The following ASCC3 variants were observed in gnomAD, a reference collection of about 807,000 sequenced individuals.
ASCC3 encodes the protein activating signal cointegrator 1 complex subunit 3.
Under a neutral mutation model 256.3 loss-of-function variants are expected in ASCC3, and 158 were observed. The ratio of observed to expected loss-of-function variants is 0.62; its 90% confidence interval spans 0.54 to 0.70. ASCC3 has a LOEUF of 0.70. Among genes scored for constraint, ASCC3 ranks in the 30% least tolerant of loss-of-function variants. The pLI, the probability that ASCC3 is intolerant of heterozygous loss-of-function variation, is 0.00. For missense variants in ASCC3, 2,259 were observed against 2,626.0 expected (o/e 0.86, Z 3.05); for synonymous variants, 948 against 883.4 (o/e 1.07, Z -1.30).
At chr6:100,578,672 G>A (rs1056142951) in intron 36 of ASCC3, among the ~76,000 whole-genome samples, 2 of 151,884 alleles carry the variant, frequency 1.3e-5, no homozygotes, top group Non-Finnish European at 2.9e-5. Context: ...TACTGTTGAC[G>A]GGCATTTAGG....
chr6:100,562,531 G>A (rs1445330662), intron 36 of ASCC3, among the ~76,000 whole-genome samples: 1 of 151,986 alleles, frequency 6.6e-6, no homozygotes, highest in African/African-American at 2.4e-5. Context: ...ATCTATTAGA[G>A]TATGCATATA....
At position 100,642,580 on chromosome 6, in the gene ASCC3, C is replaced by T. The variant is rs376068985; in HGVS notation, c.3901+1G>A. On this transcript the variant is annotated splice_donor_variant, in intron 24 of 41. Coordinates refer to ENST00000369162, the MANE Select transcript of ASCC3 (RefSeq NM_006828.4). LOFTEE classifies it high-confidence loss of function. ...ATTCAAATCAGCATTCACCATGTTA[C>T]CTGTATGAGGAGGATGTCTCTCTGG... 5.6e-6 allele frequency: 9 copies of T among 1,613,574 alleles called. No homozygotes were observed. The highest frequency in any genetic ancestry group is 1.3e-5 in the African/African-American group (1 of 74,888).
At chr6:100,846,883 G>A (rs566541460) in intron 4 of ASCC3, among the ~76,000 whole-genome samples, 8 of 145,546 alleles carry the variant, frequency 5.5e-5, no homozygotes, top group African/African-American at 7.3e-5. Context: ...GTTACTTGTT[G>A]ACATGTCTCC....
intron 14 of ASCC3, among the ~76,000 whole-genome samples, chr6:100,671,441 C>A (rs529473085): frequency 1.3e-5 from 2 of 152,082 alleles, no homozygotes; most frequent in South Asian, 4.1e-4. Flanking sequence ...CATTTGAGAT[C>A]CAATACTATA....
intron 10 of ASCC3, among the ~76,000 whole-genome samples, chr6:100,728,508 A>G (rs557538314): frequency 6.6e-6 from 1 of 152,224 alleles, no homozygotes; most frequent in East Asian, 1.9e-4. Context: ...TATACCCAAC[A>G]GAAACACACA....
intron 30 of ASCC3, among the ~76,000 whole-genome samples, chr6:100,608,864 C>T (rs1191441227): frequency 7.1e-6 from 1 of 140,272 alleles, no homozygotes; most frequent in Admixed American, 7.7e-5. Context: ...CCCGGGTTCA[C>T]GCCATTCTCC....
In ASCC3 at chr6:100,628,078, C is replaced by CA. The variant is rs1433270711; in HGVS notation, c.4376-92dup. ...CAAAAGGAAGAGTTTGTAGCTTCCT[C>CA]AAAAAACAAAAACAAAAAAAAAAAC... On this transcript the variant is annotated intron_variant, in intron 27 of 41. Coordinates refer to ENST00000369162, the MANE Select transcript of ASCC3 (RefSeq NM_006828.4). The CA allele has an allele frequency of 6.6e-5, 71 of 1,067,876 alleles. 1 individual carries two copies. Among genetic ancestry groups the CA allele is most frequent in the East Asian group, 5.4e-4 (20 of 36,826 alleles). The allele number at this position is 1,067,876 out of a possible 1,614,324, so 66.2% of individuals were successfully genotyped here.
chr6:100,621,057 G>A (rs758018759), intron 30 of ASCC3, among the ~76,000 whole-genome samples: 6 of 152,182 alleles, frequency 3.9e-5, no homozygotes, highest in South Asian at 4.2e-4. Flanking sequence ...TCAGATGGGC[G>A]CGGTGAAACA....
intron 8 of ASCC3, among the ~76,000 whole-genome samples, chr6:100,770,837 G>C (rs1781884809): frequency 7.5e-6 from 1 of 132,504 alleles, no homozygotes; most frequent in Non-Finnish European, 1.6e-5. Context: ...AAATTCTTAA[G>C]ATGTCTTTTT....
chr6:100,540,100 A>G (rs930459615), intron 37 of ASCC3, 63 bp downstream of exon 37: 1 of 1,450,162 alleles, frequency 6.9e-7, no homozygotes, highest in Non-Finnish European at 9.7e-7. Flanking sequence ...TCCTAAAACT[A>G]GAAAAAAGAG....
intron 4 of ASCC3, among the ~76,000 whole-genome samples, chr6:100,845,882 G>A (rs1772358786): frequency 6.6e-6 from 1 of 152,096 alleles, no homozygotes; most frequent in African/African-American, 2.4e-5. Flanking sequence ...GAAACCACAG[G>A]TTGAGAAGAA....
chr6:100,512,845 A>G lies in ASCC3; in HGVS notation c.6149T>C (p.Val2050Ala), dbSNP rs1311783520. 6 of 1,614,138 alleles carry G rather than the reference A, an allele frequency of 3.7e-6. No homozygotes were observed. The Admixed American group carries it at 1.0e-4, about 27-fold the overall frequency. Residue 2050 changes from valine to alanine, a missense_variant, in exon 40 of 42, where the codon GTT (valine) becomes GCT (alanine). This residue lies in a region of ASCC3 where 1,839 missense variants were observed against 2,206.7 expected (regional missense o/e 0.83). Coordinates refer to ENST00000369162, the MANE Select transcript of ASCC3 (RefSeq NM_006828.4). ...ISVKGSWDDL[V>A]EGHNELSVST... ...GACAGAGAGTTCATTATGTCCTTCA[A>G]CTAAGTCATCCCACGAGCCTTTAAC... is the stretch of plus-strand genomic sequence containing the variant.
At chr6:100,585,293 T>G (rs1771587055) in intron 36 of ASCC3, among the ~76,000 whole-genome samples, 1 of 152,202 alleles carries the variant, frequency 6.6e-6, no homozygotes, top group Non-Finnish European at 1.5e-5. Flanking sequence ...TTATTCTTTT[T>G]TCTCTAAACT....
At chr6:100,741,074 T>A (rs1159134374) in intron 10 of ASCC3, among the ~76,000 whole-genome samples, 1 of 152,244 alleles carries the variant, frequency 6.6e-6, no homozygotes, top group Non-Finnish European at 1.5e-5. Context: ...AAGGCAGGCC[T>A]GGTAGTGATG....
intron 14 of ASCC3, among the ~76,000 whole-genome samples, chr6:100,672,935 T>G (rs1359686971): frequency 6.6e-6 from 1 of 152,088 alleles, no homozygotes; most frequent in Non-Finnish European, 1.5e-5. Context: ...AAATATTTGC[T>G]GAGTGATCAC....
At chr6:100,822,693 T>G (rs549134229) in intron 4 of ASCC3, among the ~76,000 whole-genome samples, 9 of 152,212 alleles carry the variant, frequency 5.9e-5, no homozygotes, top group African/African-American at 2.2e-4. Context: ...AATACATACC[T>G]ACATAGTTAC....
At chr6:100,670,976 C>A (rs985393914) in intron 14 of ASCC3, among the ~76,000 whole-genome samples, 4 of 151,918 alleles carry the variant, frequency 2.6e-5, no homozygotes, top group Admixed American at 6.6e-5. Flanking sequence ...ACATATTATA[C>A]AGTTGCAAAA....
At chr6:100,734,085 T>C (rs995104261) in intron 10 of ASCC3, among the ~76,000 whole-genome samples, 1 of 152,130 alleles carries the variant, frequency 6.6e-6, no homozygotes, top group Non-Finnish European at 1.5e-5. Context: ...ATTTTTCTTG[T>C]TCTGTTTATT....
intron 36 of ASCC3, among the ~76,000 whole-genome samples, chr6:100,574,704 A>T (rs1206424427): frequency 6.6e-6 from 1 of 151,938 alleles, no homozygotes. Context: ...AAAAAAGAAT[A>T]AAAATTTAAA....
Sources: gnomAD v4.1 joint callset for allele counts (sites outside exome capture counted in the v4.1 genomes callset) on GRCh38, gnomAD v4.1.1 for gene constraint, gnomAD v4.1.1 regional missense constraint, MANE v1.5 for transcripts, NCBI Gene and HGNC (gene_info 2026-07-23, HGNC 2026-07-21) for gene names.